The following PTPRD variants were observed in gnomAD, a reference collection of about 807,000 sequenced individuals.
The protein encoded by PTPRD is receptor-type tyrosine-protein phosphatase delta.
PTPRD carries 34 observed loss-of-function variants against 214.5 expected under a neutral mutation model. The observed-to-expected ratio is 0.16, with a 90% confidence interval of 0.12 to 0.21. The LOEUF (loss-of-function observed/expected upper bound fraction) is 0.21. PTPRD is among the 10% of genes least tolerant of loss of function. The probability of loss-of-function intolerance (pLI) is 1.00; values close to 1 mark genes in which losing one functional copy is unlikely to be tolerated. For missense variants in PTPRD, 2,545 were observed against 2,398.7 expected (o/e 1.06, Z -1.27); for synonymous variants, 1,128 against 845.7 (o/e 1.33, Z -5.79).
chr9:8,361,700 G>A (rs1181156400), intron 39 of PTPRD, among the ~76,000 whole-genome samples: 2 of 152,188 alleles, frequency 1.3e-5, no homozygotes, highest in African/African-American at 4.8e-5. Flanking sequence ...AACAAACACT[G>A]CCTGGAATGT....
At chr9:10,030,167 A>G (rs1236945347) in intron 4 of PTPRD, among the ~76,000 whole-genome samples, 1 of 152,176 alleles carries the variant, frequency 6.6e-6, no homozygotes, top group African/African-American at 2.4e-5. Context: ...CCACAGTCAC[A>G]GGTATGTCTT....
intron 9 of PTPRD, among the ~76,000 whole-genome samples, chr9:9,198,271 G>A (rs2099939805): frequency 6.6e-6 from 1 of 151,916 alleles, no homozygotes; most frequent in African/African-American, 2.4e-5. Flanking sequence ...CAATTAACTG[G>A]GTTGAAAACA....
At chr9:8,891,688 G>A (rs769937415) in intron 11 of PTPRD, among the ~76,000 whole-genome samples, 1 of 152,070 alleles carries the variant, frequency 6.6e-6, no homozygotes, top group Non-Finnish European at 1.5e-5. Flanking sequence ...TCATACACCT[G>A]ACATGGCAAA....
chr9:10,090,532 T>C (rs2098416504), intron 3 of PTPRD, among the ~76,000 whole-genome samples: 1 of 151,176 alleles, frequency 6.6e-6, no homozygotes, highest in African/African-American at 2.4e-5. Context: ...TTTAGTCAAA[T>C]ATTTTCATTT....
intron 2 of PTPRD, among the ~76,000 whole-genome samples, chr9:10,562,122 G>A (rs1393796885): frequency 2.6e-5 from 4 of 151,980 alleles, no homozygotes; most frequent in Non-Finnish European, 2.9e-5. Context: ...ATCTCATTAT[G>A]AATCCTTTCA....
At chr9:8,505,810 T>C (rs2097533547) in intron 22 of PTPRD, among the ~76,000 whole-genome samples, 1 of 152,084 alleles carries the variant, frequency 6.6e-6, no homozygotes, top group African/African-American at 2.4e-5. Context: ...ATGCCAACAT[T>C]TAAGCATCAC....
intron 9 of PTPRD, among the ~76,000 whole-genome samples, chr9:9,187,633 G>A (rs541135886): frequency 6.6e-6 from 1 of 151,588 alleles, no homozygotes; most frequent in South Asian, 2.1e-4. Flanking sequence ...TTGTTCTAAT[G>A]TCATCCCTTA....
chr9:9,723,819 C>T (rs909385187), intron 7 of PTPRD, among the ~76,000 whole-genome samples: 15 of 151,982 alleles, frequency 9.9e-5, no homozygotes, highest in East Asian at 3.9e-4. Context: ...CTGTTCATTA[C>T]GAATGTATAG....
At chr9:8,672,386 T>C (rs901935168) in intron 12 of PTPRD, among the ~76,000 whole-genome samples, 1 of 152,136 alleles carries the variant, frequency 6.6e-6, no homozygotes, top group African/African-American at 2.4e-5. Flanking sequence ...AATTTGACAC[T>C]ACACATATCT....
intron 11 of PTPRD, among the ~76,000 whole-genome samples, chr9:8,874,512 T>G (rs1472972339): frequency 6.6e-6 from 1 of 152,232 alleles, no homozygotes; most frequent in Non-Finnish European, 1.5e-5. Context: ...CTCTTCACTC[T>G]GCACCTCCCC....
At chr9:9,189,948 T>G (rs1325565128) in intron 9 of PTPRD, among the ~76,000 whole-genome samples, 2 of 152,010 alleles carry the variant, frequency 1.3e-5, no homozygotes, top group Non-Finnish European at 2.9e-5. Flanking sequence ...GTCACTTCCA[T>G]GCAGAAGACT....
chr9:10,090,607 CA>C (rs757930679), intron 3 of PTPRD, among the ~76,000 whole-genome samples: 57 of 126,698 alleles, frequency 4.5e-4, no homozygotes, highest in Non-Finnish European at 7.3e-4. Context: ...ACTTGCAGCC[CA>C]AAAGATTAAA....
chr9:9,931,551 T>C (rs2086574348), intron 5 of PTPRD, among the ~76,000 whole-genome samples: 1 of 151,032 alleles, frequency 6.6e-6, no homozygotes, highest in Non-Finnish European at 1.5e-5. Flanking sequence ...GGAGATTATA[T>C]CCCGCACGTG....
chr9:8,377,183 T>C (rs78527648), intron 37 of PTPRD, among the ~76,000 whole-genome samples: 7,784 of 152,150 alleles, frequency 0.051, 694 homozygotes, highest in African/African-American at 0.18. Flanking sequence ...GTAGAAATAA[T>C]TGGAAAATCT....
intron 3 of PTPRD, among the ~76,000 whole-genome samples, chr9:10,097,604 G>T (rs1399493111): frequency 6.6e-6 from 1 of 151,746 alleles, no homozygotes; most frequent in Non-Finnish European, 1.5e-5. Context: ...CTGAGACTTT[G>T]CTGAAGTTGC....
intron 14 of PTPRD, among the ~76,000 whole-genome samples, chr9:8,534,064 A>C (rs2076338858): frequency 6.6e-6 from 1 of 152,034 alleles, no homozygotes; most frequent in African/African-American, 2.4e-5. Flanking sequence ...CTTTATTTTC[A>C]CAATCTTTAG....
intron 33 of PTPRD, among the ~76,000 whole-genome samples, chr9:8,451,271 G>T (rs923709322): frequency 6.6e-6 from 1 of 152,134 alleles, no homozygotes. Context: ...CGGTACCTTA[G>T]ATTAACCTGT....
At chr9:9,314,364 G>GTA (rs1294071250) in intron 9 of PTPRD, among the ~76,000 whole-genome samples, 1 of 152,118 alleles carries the variant, frequency 6.6e-6, no homozygotes, top group East Asian at 1.9e-4. Flanking sequence ...TAATGAGGTA[G>GTA]TATATAAAAA....
At chr9:9,849,822 T>A (rs1393503491) in intron 5 of PTPRD, among the ~76,000 whole-genome samples, 1 of 152,098 alleles carries the variant, frequency 6.6e-6, no homozygotes, top group Non-Finnish European at 1.5e-5. Flanking sequence ...CTTCAAATGC[T>A]TTTCCTGAAC....
Sources: gnomAD v4.1 joint callset for allele counts (sites outside exome capture counted in the v4.1 genomes callset) on GRCh38, gnomAD v4.1.1 for gene constraint, MANE v1.5 for transcripts, NCBI Gene and HGNC (gene_info 2026-07-23, HGNC 2026-07-21) for gene names.